Variants in JPH3 observed in about 807,000 individuals in gnomAD.
JPH3 encodes the protein junctophilin-3.
JPH3 carries 11 observed loss-of-function variants against 59.6 expected under a neutral mutation model. The ratio of observed to expected loss-of-function variants is 0.18; its 90% CI spans 0.12 to 0.31. JPH3 has a LOEUF of 0.31. JPH3 is among the 10% of genes least tolerant of loss of function. JPH3 has a pLI of 1.00. For synonymous variants in JPH3, 673 were observed against 483.6 expected (o/e 1.39, Z -5.14); for missense variants, 1,202 against 1,105.7 (o/e 1.09, Z -1.24).
intron 2 of JPH3, among the ~76,000 whole-genome samples, chr16:87,670,764 T>C (rs868108036): frequency 1.4e-4 from 22 of 152,304 alleles, no homozygotes; most frequent in Middle Eastern, 3.4e-3. Flanking sequence ...GGGCCTGCCC[T>C]GTGCCAGGCC....
intron 2 of JPH3, among the ~76,000 whole-genome samples, chr16:87,656,445 A>T (rs375004806): frequency 6.6e-6 from 1 of 152,156 alleles, no homozygotes; most frequent in African/African-American, 2.4e-5. Flanking sequence ...GAATGGGGAG[A>T]TGAGCCACGT....
chr16:87,692,226 T>G (rs1272388293), intron 4 of JPH3, among the ~76,000 whole-genome samples: 1 of 151,992 alleles, frequency 6.6e-6, no homozygotes, highest in Non-Finnish European at 1.5e-5. Context: ...CCCGTCTCCC[T>G]CCCCACAGCT....
intron 2 of JPH3, among the ~76,000 whole-genome samples, chr16:87,679,603 G>T (rs2033234672): frequency 6.6e-6 from 1 of 152,244 alleles, no homozygotes; most frequent in Admixed American, 6.5e-5. Context: ...TTGTCCCCCG[G>T]ACGCATTCAT....
intron 2 of JPH3, among the ~76,000 whole-genome samples, chr16:87,649,388 G>T (rs1037000499): frequency 6.6e-6 from 1 of 152,222 alleles, no homozygotes; most frequent in Non-Finnish European, 1.5e-5. Flanking sequence ...TTTGCACGGC[G>T]CTGCCTGTCC....
chr16:87,640,105 G>A (rs2031894639), intron 1 of JPH3, among the ~76,000 whole-genome samples: 1 of 152,138 alleles, frequency 6.6e-6, no homozygotes, highest in South Asian at 2.1e-4. Flanking sequence ...GAGGTGGGCG[G>A]ATCATGAGGT....
chr16:87,661,228 C>T (rs939854033), intron 2 of JPH3, among the ~76,000 whole-genome samples: 3 of 152,190 alleles, frequency 2.0e-5, no homozygotes, highest in Non-Finnish European at 4.4e-5. Flanking sequence ...TTACAAGGAC[C>T]CTTGTGGTTC....
At chr16:87,652,459 G>A (rs1458059723) in intron 2 of JPH3, among the ~76,000 whole-genome samples, 1 of 152,232 alleles carries the variant, frequency 6.6e-6, no homozygotes, top group African/African-American at 2.4e-5. Context: ...CAATATAGTA[G>A]AAACATAACT....
intron 2 of JPH3, among the ~76,000 whole-genome samples, chr16:87,667,855 T>C (rs749875468): frequency 4.6e-5 from 7 of 152,198 alleles, no homozygotes; most frequent in Non-Finnish European, 1.0e-4. Flanking sequence ...CTACAACCCC[T>C]TTAAAATGCA....
intron 3 of JPH3, among the ~76,000 whole-genome samples, chr16:87,688,312 C>T (rs2033467135): frequency 1.3e-5 from 2 of 152,250 alleles, no homozygotes; most frequent in African/African-American, 4.8e-5. Flanking sequence ...CTCAGCACTG[C>T]CTCTTAGACC....
At chr16:87,623,154 G>A (rs150241315) in intron 1 of JPH3, among the ~76,000 whole-genome samples, 142 of 152,324 alleles carry the variant, frequency 9.3e-4, no homozygotes, top group African/African-American at 3.3e-3. Flanking sequence ...GGGTTCCAGC[G>A]TGGGCCAAGC....
chr16:87,626,597 C>T (rs1304279378), intron 1 of JPH3, among the ~76,000 whole-genome samples: 1 of 152,274 alleles, frequency 6.6e-6, no homozygotes, highest in African/African-American at 2.4e-5. Context: ...CCAAGCCACA[C>T]CCCGAGTGGG....
rs558508290 is a variant in JPH3 at position 87,660,460 on chromosome 16, C to T, written c.1160+15425C>T. Reference sequence around the variant, plus strand: ...CTGTCCCCAAGTGGCCAAGCTAATTCGGTTCCGTGCTCCCCTTTTGCCCAC... The same window carrying T: ...CTGTCCCCAAGTGGCCAAGCTAATTTGGTTCCGTGCTCCCCTTTTGCCCAC... On this transcript the variant is annotated intron_variant, in intron 2 of 4. Coordinates refer to ENST00000284262, the MANE Select transcript of JPH3 (RefSeq NM_020655.4). Among the ~76,000 whole-genome samples, 18 of 152,272 alleles carry T rather than the reference C, an allele frequency of 1.2e-4. 1 individual carries two copies. Among genetic ancestry groups the T allele is most frequent in the South Asian group, 4.1e-4 (2 of 4,822 alleles).
intron 4 of JPH3, chr16:87,694,275 C>G (rs909778463): frequency 5.3e-5 from 8 of 152,266 alleles, no homozygotes; most frequent in African/African-American, 1.9e-4. Flanking sequence ...TTTTGGGCCA[C>G]GTGCTCAAGC....
chr16:87,685,533 G>A (rs1366721786), intron 3 of JPH3, among the ~76,000 whole-genome samples: 2 of 152,248 alleles, frequency 1.3e-5, no homozygotes, highest in Non-Finnish European at 2.9e-5. Context: ...GCACACTTGG[G>A]GGCACACGTG....
Position 87,690,630 on chromosome 16 carries a change from C to A in JPH3, c.2166+104C>A, listed in dbSNP as rs549651844. Reference sequence around the variant, plus strand: ...CCAGCAAGGTCACTGCTCCCCTGTTCCTCTCCAGGGGTGGAGTAGGGTGGG... The same window carrying A: ...CCAGCAAGGTCACTGCTCCCCTGTTACTCTCCAGGGGTGGAGTAGGGTGGG... On this transcript the variant is annotated intron_variant, in intron 4 of 4. Coordinates refer to ENST00000284262, the MANE Select transcript of JPH3 (RefSeq NM_020655.4). 4.8e-5 allele frequency: 58 copies of A among 1,218,860 alleles called. No homozygotes were observed. The African/African-American group carries it at 8.5e-4, about 18-fold the overall frequency. 75.5% of individuals were successfully genotyped at this position (1,218,860 alleles called of 1,614,324 possible).
Position 87,697,196 on chromosome 16 carries a change from T to TC in JPH3, c.*537dup. ...CCAGTGGGCAGTAGCCTGGCCTTTT[T>TC]CTGTGTGAGATCTGTGCTGCACACC... On this transcript the variant is annotated 3_prime_UTR_variant, in exon 5 of 5. Coordinates refer to ENST00000284262, the MANE Select transcript of JPH3 (RefSeq NM_020655.4). The TC allele has an allele frequency of 5.8e-6, 1 of 172,396 alleles. No homozygotes were observed. The highest frequency in any genetic ancestry group is 1.3e-5 in the Non-Finnish European group (1 of 79,310). 10.7% of individuals were successfully genotyped at this position (172,396 alleles called of 1,614,324 possible). A position where few individuals can be genotyped will look rare whatever the true frequency, so the allele number is the denominator to read the frequency against.
intron 2 of JPH3, among the ~76,000 whole-genome samples, chr16:87,663,052 T>A (rs4240799): frequency 0.18 from 27,700 of 152,066 alleles, 2,910 homozygotes; most frequent in South Asian, 0.34. Context: ...GCAGGATAAG[T>A]CGGCAAGTTT....
intron 1 of JPH3, chr16:87,604,628 A>G: frequency 9.2e-6 from 11 of 1,194,860 alleles, no homozygotes; most frequent in Non-Finnish European, 1.2e-5. Context: ...TCCTGAGCGT[A>G]CGTGTGCTCT....
At chr16:87,645,060 C>T (rs777376957) in intron 2 of JPH3, 25 bp downstream of exon 2, 18 of 1,580,884 alleles carry the variant, frequency 1.1e-5, no homozygotes, top group Admixed American at 1.7e-5. Flanking sequence ...GGGCGGGGGG[C>T]CCTTCTTGGT....
Sources: gnomAD v4.1 joint callset for allele counts (sites outside exome capture counted in the v4.1 genomes callset) on GRCh38, gnomAD v4.1.1 for gene constraint, MANE v1.5 for transcripts, NCBI Gene and HGNC (gene_info 2026-07-23, HGNC 2026-07-21) for gene names.